The following EFL1 variants were observed in gnomAD, a reference collection of about 807,000 sequenced individuals.
EFL1 encodes the protein elongation factor-like GTPase 1.
In EFL1, 76 loss-of-function variants were observed where a neutral mutation model predicts 126.7. That is an observed-to-expected ratio of 0.60 (90% CI 0.50 to 0.73). EFL1 has a LOEUF of 0.73. Ranked by LOEUF, EFL1 falls within the 30% of genes least tolerant of loss-of-function variation. EFL1 has a pLI of 0.00. For missense variants in EFL1, 1,128 were observed against 1,343.2 expected (o/e 0.84, Z 2.50); for synonymous variants, 410 against 448.4 (o/e 0.91, Z 1.08).
At chr15:82,193,117 C>T (rs2074376137) in intron 15 of EFL1, among the ~76,000 whole-genome samples, 1 of 152,080 alleles carries the variant, frequency 6.6e-6, no homozygotes, top group South Asian at 2.1e-4. Context: ...ATAGGTATTG[C>T]TTTTAAAACA....
chr15:82,212,810 G>A (rs1016865646), intron 15 of EFL1, among the ~76,000 whole-genome samples: 9 of 152,216 alleles, frequency 5.9e-5, no homozygotes, highest in Non-Finnish European at 1.3e-4. Context: ...GGCAGCTAGA[G>A]AGGATATATG....
intron 19 of EFL1, among the ~76,000 whole-genome samples, chr15:82,138,376 C>G (rs1234966249): frequency 6.7e-6 from 1 of 149,996 alleles, no homozygotes; most frequent in East Asian, 1.9e-4. Flanking sequence ...TTTTCAGCAT[C>G]TTAAATTTTA....
At chr15:82,182,789 T>C (rs28529095) in intron 15 of EFL1, among the ~76,000 whole-genome samples, 20,149 of 151,224 alleles carry the variant, frequency 0.13, 2,208 homozygotes, top group African/African-American at 0.3. Flanking sequence ...CGCGCCACTG[T>C]ACTCCAGCCT....
Position 82,132,709 on chromosome 15 carries a change from C to T in EFL1, c.3175-2148G>A, listed in dbSNP as rs1217423680. ...GGGGGGGGGGGGGTAGGCAGAGTGG[C>T]AGACAAGGGCGAATGGATGGAATTT... On this transcript the variant is annotated intron_variant, in intron 19 of 19. Coordinates refer to ENST00000268206, the MANE Select transcript of EFL1 (RefSeq NM_024580.6). 2.2e-5 allele frequency among the ~76,000 whole-genome samples: 3 copies of T among 136,660 alleles called. No homozygotes were observed. The East Asian group carries it at 6.4e-4, about 29-fold the overall frequency. The allele number at this position is 136,660 out of a possible 152,430, so 89.7% of individuals were successfully genotyped here. A position where few individuals can be genotyped will look rare whatever the true frequency, so the allele number is the denominator to read the frequency against.
chr15:82,219,967 T>C (rs2074692641), intron 13 of EFL1, 111 bp downstream of exon 13: 2 of 1,494,082 alleles, frequency 1.3e-6, no homozygotes, highest in African/African-American at 2.8e-5. Context: ...GAAAGAATAT[T>C]GATAAAAACT....
intron 11 of EFL1, among the ~76,000 whole-genome samples, chr15:82,226,509 T>C (rs1380278195): frequency 6.6e-6 from 1 of 152,166 alleles, no homozygotes; most frequent in Non-Finnish European, 1.5e-5. Flanking sequence ...GTTTTTGGAC[T>C]GAGTAAATGA....
chr15:82,173,401 T>C (rs77029346), intron 15 of EFL1, among the ~76,000 whole-genome samples: 5 of 152,280 alleles, frequency 3.3e-5, no homozygotes, highest in African/African-American at 4.8e-5. Context: ...ATGGGAGTTA[T>C]TGATGGGATA....
At chr15:82,186,257 G>A (rs1173522045) in intron 15 of EFL1, among the ~76,000 whole-genome samples, 1 of 152,076 alleles carries the variant, frequency 6.6e-6, no homozygotes, top group Non-Finnish European at 1.5e-5. Flanking sequence ...AATCCATATA[G>A]GCACGCTCCT....
Position 82,241,319 on chromosome 15 carries a change from C to T in EFL1, c.329G>A (p.Cys110Tyr), listed in dbSNP as rs1471406247. 1.2e-6 allele frequency: 2 copies of T among 1,614,008 alleles called. No homozygotes were observed. Among genetic ancestry groups the T allele is most frequent in the Admixed American group, 3.3e-5 (2 of 60,022 alleles). The change falls in exon 5 of 20, where the codon TGT becomes TAT. Residue 110 changes from cysteine to tyrosine, a missense_variant. Around this residue, in one of 6 missense-constraint regions of EFL1, gnomAD observed 118 missense variants for 188.1 expected, o/e 0.63. Transcript: ENST00000268206. ...SSEVSTAVRI[C>Y]DGCIIVVDAV... ...ATCTACCACAATGATGCATCCATCA[C>T]AAATGCGAACAGCGGTTGATACTTC...
chr15:82,201,370 T>C (rs2141281868), intron 15 of EFL1, among the ~76,000 whole-genome samples: 1 of 152,244 alleles, frequency 6.6e-6, no homozygotes, highest in Admixed American at 6.5e-5. Flanking sequence ...AGAGGGGGAC[T>C]TTCTTCCCTA....
At chr15:82,155,265 G>T (rs2073955504) in intron 17 of EFL1, among the ~76,000 whole-genome samples, 1 of 152,118 alleles carries the variant, frequency 6.6e-6, no homozygotes, top group African/African-American at 2.4e-5. Flanking sequence ...ACTTTGGGAG[G>T]CCGAGGAGGT....
At chr15:82,243,768 T>G (rs1204053664) in intron 4 of EFL1, among the ~76,000 whole-genome samples, 1 of 150,688 alleles carries the variant, frequency 6.6e-6, no homozygotes, top group Non-Finnish European at 1.5e-5. Context: ...TATGCTCCCC[T>G]AAGTACGCGT....
intron 19 of EFL1, 82 bp downstream of exon 19, chr15:82,138,576 T>C (rs1329157758): frequency 1.7e-5 from 26 of 1,509,224 alleles, no homozygotes; most frequent in Admixed American, 1.9e-5. Flanking sequence ...ATGATCTGTG[T>C]TGTTTGCTAC....
chr15:82,235,751 G>A (rs2074866347), intron 7 of EFL1, among the ~76,000 whole-genome samples: 1 of 152,054 alleles, frequency 6.6e-6, no homozygotes, highest in South Asian at 2.1e-4. Context: ...ATTTCTAACG[G>A]TGAAAGGCTT....
chr15:82,132,220 T>C (rs1390224471), intron 19 of EFL1, among the ~76,000 whole-genome samples: 1 of 152,130 alleles, frequency 6.6e-6, no homozygotes, highest in Non-Finnish European at 1.5e-5. Flanking sequence ...GCTGCCTGTG[T>C]CCTGGTGCTG....
intron 16 of EFL1, among the ~76,000 whole-genome samples, chr15:82,163,275 T>C (rs7181655): frequency 0.67 from 101,651 of 152,120 alleles, 35,618 homozygotes; most frequent in African/African-American, 0.89. Context: ...GGCACTTTAG[T>C]TCACGCCTGT....
intron 15 of EFL1, among the ~76,000 whole-genome samples, chr15:82,187,063 G>A (rs934805352): frequency 1.3e-5 from 2 of 152,094 alleles, no homozygotes; most frequent in Admixed American, 1.3e-4. Context: ...TCTTACAGAA[G>A]CTATTTTTAT....
chr15:82,142,628 A>C (rs2073801608), intron 18 of EFL1, among the ~76,000 whole-genome samples: 1 of 152,220 alleles, frequency 6.6e-6, no homozygotes, highest in Non-Finnish European at 1.5e-5. Context: ...AGTATTGATC[A>C]GTGCTCAACT....
chr15:82,186,995 T>C (rs2074310854), intron 15 of EFL1, among the ~76,000 whole-genome samples: 1 of 152,250 alleles, frequency 6.6e-6, no homozygotes, highest in Non-Finnish European at 1.5e-5. Flanking sequence ...ATGTTGTTTG[T>C]CATTTCCTTG....
Sources: gnomAD v4.1 joint callset for allele counts (sites outside exome capture counted in the v4.1 genomes callset) on GRCh38, gnomAD v4.1.1 for gene constraint, gnomAD v4.1.1 regional missense constraint, MANE v1.5 for transcripts, NCBI Gene and HGNC (gene_info 2026-07-23, HGNC 2026-07-21) for gene names.